The following KAZN variants were observed in gnomAD, a reference collection of about 807,000 sequenced individuals.
KAZN encodes kazrin.
In KAZN, 40 loss-of-function variants were observed where a neutral mutation model predicts 87.4. That is an observed-to-expected ratio of 0.46 (90% CI 0.36 to 0.60). The LOEUF (loss-of-function observed/expected upper bound fraction) is 0.60, where lower values mean the gene tolerates loss of function less well. Ranked by LOEUF, KAZN falls within the 20% of genes least tolerant of loss-of-function variation. KAZN has a pLI of 0.00. For missense variants in KAZN, 898 were observed against 1,073.9 expected (o/e 0.84, Z 2.29); for synonymous variants, 466 against 458.3 (o/e 1.02, Z -0.22).
At chr1:14,111,348 A>T (rs1644496327) in intron 1 of KAZN, among the ~76,000 whole-genome samples, 1 of 134,122 alleles carries the variant, frequency 7.5e-6, no homozygotes, top group Non-Finnish European at 1.6e-5. Flanking sequence ...CTAGAGACAG[A>T]TCTACACTGT....
chr1:14,749,426 C>T (rs1350325984), intron 1 of KAZN, among the ~76,000 whole-genome samples: 2 of 152,166 alleles, frequency 1.3e-5, no homozygotes, highest in Non-Finnish European at 2.9e-5. Flanking sequence ...AGAACACCCT[C>T]AATGGAGCAA....
chr1:15,050,928 C>T (rs1674332250), intron 4 of KAZN, among the ~76,000 whole-genome samples: 1 of 152,202 alleles, frequency 6.6e-6, no homozygotes, highest in South Asian at 2.1e-4. Context: ...GGACCTGCTC[C>T]CACCCGTACC....
chr1:14,730,071 T>A (rs1643606770), intron 1 of KAZN, among the ~76,000 whole-genome samples: 1 of 152,092 alleles, frequency 6.6e-6, no homozygotes, highest in Admixed American at 6.5e-5. Flanking sequence ...AGTTTGCTGG[T>A]CCCTCTCATA....
chr1:14,218,320 C>T (rs774516124), intron 2 of KAZN, among the ~76,000 whole-genome samples: 18 of 152,044 alleles, frequency 1.2e-4, no homozygotes, highest in Non-Finnish European at 7.4e-5. Context: ...AGTTCATACT[C>T]GTGTACTGAA....
chr1:14,599,326 C>T lies in KAZN; in HGVS notation c.226+103C>T. 1 of 1,179,568 alleles carries T rather than the reference C, an allele frequency of 8.5e-7. No homozygotes were observed. Among genetic ancestry groups the T allele is most frequent in the Non-Finnish European group, 1.1e-6 (1 of 935,910 alleles). The allele number at this position is 1,179,568 out of a possible 1,614,324, so 73.1% of individuals were successfully genotyped here. On this transcript the variant is annotated intron_variant, in intron 1 of 14. Coordinates refer to ENST00000376030, the MANE Select transcript of KAZN (RefSeq NM_201628.3). This position sits in a 1 kb window ranked among gnomAD's most constrained non-coding sequence, Gnocchi z 4.4. ...GTCCCCCACACCCGGGGCGAAATCG[C>T]TTTGCATTCTGGCTTGTAACCCTTT...
chr1:13,940,459 A>T (rs1438968975), intron 1 of KAZN, among the ~76,000 whole-genome samples: 2 of 152,054 alleles, frequency 1.3e-5, no homozygotes, highest in Non-Finnish European at 2.9e-5. Flanking sequence ...ATGATCTTTT[A>T]TCTTTCTGTG....
rs532466448 is a variant in KAZN, at chr1:14,812,038, T to C, written c.227-148646T>C. The stretch of plus-strand genomic sequence containing the variant: ...GTTTTTCTGGAAAGAGGATGTAAGT[T>C]TGGAGCCAGAGCAGAACTGCTTAAG... On this transcript the variant is annotated intron_variant, in intron 1 of 14. Coordinates refer to ENST00000376030, the MANE Select transcript of KAZN (RefSeq NM_201628.3). Among the ~76,000 whole-genome samples the C allele has an allele frequency of 4.6e-5, 7 of 152,146 alleles. No homozygotes were observed. The South Asian group carries it at 1.5e-3, about 32-fold the overall frequency.
At chr1:15,071,840 C>G (rs1639520395) in intron 8 of KAZN, among the ~76,000 whole-genome samples, 1 of 152,198 alleles carries the variant, frequency 6.6e-6, no homozygotes, top group Non-Finnish European at 1.5e-5. Context: ...AAAACACTGG[C>G]TGGTAGCTTG....
chr1:14,368,254 G>A (rs921616129), intron 2 of KAZN, among the ~76,000 whole-genome samples: 1 of 152,182 alleles, frequency 6.6e-6, no homozygotes, highest in Non-Finnish European at 1.5e-5. Context: ...GTGTGGCTCT[G>A]TAAAGCAGTG....
At chr1:14,548,504 G>T (rs1032764696) in intron 2 of KAZN, among the ~76,000 whole-genome samples, 1 of 152,050 alleles carries the variant, frequency 6.6e-6, no homozygotes, top group African/African-American at 2.4e-5. Context: ...CAGCCTCCAC[G>T]CATTTCTTTA....
intron 1 of KAZN, among the ~76,000 whole-genome samples, chr1:14,864,331 A>G (rs1423719323): frequency 1.3e-5 from 2 of 152,198 alleles, no homozygotes; most frequent in African/African-American, 4.8e-5. Context: ...TTGGGAGGCC[A>G]AGGCGGGCGG....
intron 2 of KAZN, among the ~76,000 whole-genome samples, chr1:14,419,477 C>G (rs1347375364): frequency 3.3e-5 from 5 of 152,210 alleles, no homozygotes; most frequent in Non-Finnish European, 7.3e-5. Context: ...AAGCACTCGC[C>G]TCTTCCCTGG....
At chr1:14,673,931 A>G (rs1012036361) in intron 1 of KAZN, among the ~76,000 whole-genome samples, 2 of 152,178 alleles carry the variant, frequency 1.3e-5, no homozygotes, top group African/African-American at 4.8e-5. Context: ...TTTGGTTAGA[A>G]GCAAAATTCC....
At chr1:14,661,599 G>C (rs1272904909) in intron 1 of KAZN, among the ~76,000 whole-genome samples, 1 of 148,210 alleles carries the variant, frequency 6.7e-6, no homozygotes, top group African/African-American at 2.5e-5. Context: ...TCCTGGTTAA[G>C]AGCATAGTTT....
At chr1:14,279,721 T>C (rs1477049900) in intron 2 of KAZN, among the ~76,000 whole-genome samples, 1 of 152,154 alleles carries the variant, frequency 6.6e-6, no homozygotes, top group Non-Finnish European at 1.5e-5. Flanking sequence ...ATTTATGAAA[T>C]GTTTGCTATG....
chr1:14,173,655 C>T (rs1284255333), intron 1 of KAZN, among the ~76,000 whole-genome samples: 1 of 145,898 alleles, frequency 6.9e-6, no homozygotes, highest in African/African-American at 2.6e-5. Flanking sequence ...TTTGTAGTTC[C>T]CCTCCCCGCC....
intron 2 of KAZN, among the ~76,000 whole-genome samples, chr1:14,456,894 A>C (rs189910220): frequency 2.7e-3 from 405 of 152,306 alleles, no homozygotes; most frequent in Non-Finnish European, 4.2e-3. Context: ...AGTCTGGTCA[A>C]CATGGCAAAA....
At chr1:14,614,043 G>A (rs938721975) in intron 1 of KAZN, among the ~76,000 whole-genome samples, 3 of 152,266 alleles carry the variant, frequency 2.0e-5, no homozygotes, top group African/African-American at 7.2e-5. Context: ...CAGAATAACA[G>A]AACTGGCCCC....
intron 2 of KAZN, among the ~76,000 whole-genome samples, chr1:14,262,349 G>A (rs940378355): frequency 1.3e-5 from 2 of 152,176 alleles, no homozygotes; most frequent in Non-Finnish European, 2.9e-5. Flanking sequence ...ACTAAAATTG[G>A]TAAAAGCACA....
Sources: allele counts gnomAD v4.1 joint callset (sites outside exome capture counted in the v4.1 genomes callset), GRCh38; gene constraint gnomAD v4.1.1; non-coding constraint Gnocchi (gnomAD v3.1); transcripts MANE v1.5; gene names NCBI Gene and HGNC (gene_info 2026-07-23, HGNC 2026-07-21).